AGAP1: variants seen among roughly 807,000 people sequenced by gnomAD.
AGAP1 encodes ArfGAP with GTPase domain, ankyrin repeat and PH domain 1, also known as arf-GAP with GTPase, ANK repeat and PH domain-containing protein 1.
In AGAP1, 29 loss-of-function variants were observed where a neutral mutation model predicts 105.3. The observed-to-expected ratio is 0.28, with a 90% CI of 0.21 to 0.38. The LOEUF (loss-of-function observed/expected upper bound fraction) is 0.38, where lower values mean the gene tolerates loss of function less well. Among genes scored for constraint, AGAP1 ranks in the 10% least tolerant of loss-of-function variants. AGAP1 has a pLI of 1.00. For synonymous variants in AGAP1, 509 were observed against 485.9 expected, an observed-to-expected ratio of 1.05 and a Z score of -0.63; for missense variants, 998 against 1,165.1, an observed-to-expected ratio of 0.86 and a Z score of 2.09.
At chr2:235,678,037 A>T (rs890608769) in intron 1 of AGAP1, among the ~76,000 whole-genome samples, 4 of 147,944 alleles carry the variant, frequency 2.7e-5, no homozygotes, top group African/African-American at 9.9e-5. Flanking sequence ...GCTTTCCTGT[A>T]CAGTAAGTGC....
Position 235,855,864 on chromosome 2 carries a change from AG to A in AGAP1, c.1051-27476del, listed in dbSNP as rs2048664778. Among the ~76,000 whole-genome samples, 1 of 152,144 alleles carries A rather than the reference AG, an allele frequency of 6.6e-6. No individual in the cohort carries two copies. Among genetic ancestry groups the A allele is most frequent in the African/African-American group, 2.4e-5 (1 of 41,428 alleles). ...GATGCACGGAGGCTACTGCATTCCC[AG>A]GGGGTCAGCCTTGTCTCAGAAGTAC... On this transcript the variant is annotated intron_variant, in intron 9 of 17. Coordinates refer to ENST00000304032, the MANE Select transcript of AGAP1 (RefSeq NM_001037131.3). The surrounding 1 kb of genome is among the most constrained non-coding windows in gnomAD (Gnocchi z 5.0).
At chr2:235,565,627 A>T (rs1449746332) in intron 1 of AGAP1, among the ~76,000 whole-genome samples, 2 of 152,226 alleles carry the variant, frequency 1.3e-5, no homozygotes. Context: ...TAAAGTGTCA[A>T]TACCAAAAGC....
At chr2:235,818,663 G>C (rs555572492) in intron 9 of AGAP1, among the ~76,000 whole-genome samples, 3 of 151,942 alleles carry the variant, frequency 2.0e-5, no homozygotes, top group African/African-American at 7.3e-5. Context: ...GGCTGGTCTC[G>C]AACTCCTGAC....
intron 9 of AGAP1, among the ~76,000 whole-genome samples, chr2:235,813,836 G>A (rs1958297268): frequency 6.6e-6 from 1 of 152,216 alleles, no homozygotes; most frequent in Non-Finnish European, 1.5e-5. Flanking sequence ...TGAGTGCAAC[G>A]TTTAATGAGT....
intron 9 of AGAP1, among the ~76,000 whole-genome samples, chr2:235,823,868 G>A (rs1009647140): frequency 6.6e-6 from 1 of 152,124 alleles, no homozygotes; most frequent in African/African-American, 2.4e-5. Flanking sequence ...TATCTAGCAG[G>A]CTCATTGATT....
chr2:235,620,914 C>T lies in AGAP1; in HGVS notation c.164-88265C>T, dbSNP rs1946457066. On this transcript the variant is annotated intron_variant, in intron 1 of 17. Coordinates refer to ENST00000304032, the MANE Select transcript of AGAP1 (RefSeq NM_001037131.3). This position sits in a 1 kb window ranked among gnomAD's most constrained non-coding sequence, Gnocchi z 4.5. ...TGACAAGTTCTTGACTCCCCATCAC[C>T]TCTGATGGAGGGGGCTGGGGTCTGT... is the stretch of plus-strand genomic sequence containing the variant. Among the ~76,000 whole-genome samples the T allele has an allele frequency of 6.6e-6, 1 of 152,198 alleles. No homozygotes were observed. The highest frequency in any genetic ancestry group is 1.5e-5 in the Non-Finnish European group (1 of 68,040).
rs1035739276 is a variant in AGAP1, at chr2:235,867,962, A to G, written c.1051-15383A>G. Among the ~76,000 whole-genome samples, 12 of 151,672 alleles carry G rather than the reference A, an allele frequency of 7.9e-5. No individual in the cohort carries two copies. The highest frequency in any genetic ancestry group is 2.9e-4 in the African/African-American group (12 of 41,030). ...AGTTTTAATACATGTTTATAGGGGG[A>G]AAAATCTTAATTAGAATAATTAGAA... On this transcript the variant is annotated intron_variant, in intron 9 of 17. Coordinates refer to ENST00000304032, the MANE Select transcript of AGAP1 (RefSeq NM_001037131.3). The surrounding 1 kb of genome is among the most constrained non-coding windows in gnomAD (Gnocchi z 5.4).
Position 235,836,342 on chromosome 2 carries a change from C to G in AGAP1, c.1050+29011C>G, listed in dbSNP as rs188608819. Among the ~76,000 whole-genome samples the G allele has an allele frequency of 2.9e-3, 444 of 152,246 alleles. 1 individual carries two copies. The highest frequency in any genetic ancestry group is 4.7e-3 in the Non-Finnish European group (319 of 68,014). On this transcript the variant is annotated intron_variant, in intron 9 of 17. Transcript: ENST00000304032. Reference sequence around the variant, plus strand: ...CAAATTAGAGCACTGCAGCAGGTGGCCGGGAGTGCTGGTGATGGCCCTGCA... The same window carrying G: ...CAAATTAGAGCACTGCAGCAGGTGGGCGGGAGTGCTGGTGATGGCCCTGCA...
chr2:235,833,389 TAGA>T (rs985894423), intron 9 of AGAP1, among the ~76,000 whole-genome samples: 2 of 152,168 alleles, frequency 1.3e-5, no homozygotes, highest in African/African-American at 4.8e-5. Context: ...GACAAAAACG[TAGA>T]AGTCACCCCT....
rs1472327568 is a variant in AGAP1, at chr2:235,883,988, A to T, written c.1155+539A>T. On this transcript the variant is annotated intron_variant, in intron 10 of 17. Coordinates refer to ENST00000304032, the MANE Select transcript of AGAP1 (RefSeq NM_001037131.3). This position sits in a 1 kb window ranked among gnomAD's most constrained non-coding sequence, Gnocchi z 4.5. Reference sequence around the variant, plus strand: ...AAGTTTGTTATATCCGTGGTGTATAAGATAGATGTATAAACAAAATTAACT... The same window carrying T: ...AAGTTTGTTATATCCGTGGTGTATATGATAGATGTATAAACAAAATTAACT... Among the ~76,000 whole-genome samples, 2 of 152,224 alleles carry T rather than the reference A, an allele frequency of 1.3e-5. No homozygotes were observed. The highest frequency in any genetic ancestry group is 1.9e-4 in the East Asian group (1 of 5,198).
chr2:235,677,254 C>CA (rs1257183767), intron 1 of AGAP1, among the ~76,000 whole-genome samples: 1 of 152,130 alleles, frequency 6.6e-6, no homozygotes. Flanking sequence ...TTAATGGTGA[C>CA]ATCACTAACA....
In AGAP1 at chr2:235,610,322, G is replaced by A. The variant is rs1437066337; in HGVS notation, c.164-98857G>A. Reference sequence around the variant, plus strand: ...GTCCACCGTGCACTTGTCCGCTTGGGCTGCCATAACAAAATACCAGACGCT... The same window carrying A: ...GTCCACCGTGCACTTGTCCGCTTGGACTGCCATAACAAAATACCAGACGCT... On this transcript the variant is annotated intron_variant, in intron 1 of 17. Coordinates refer to ENST00000304032, the MANE Select transcript of AGAP1 (RefSeq NM_001037131.3). This position sits in a 1 kb window ranked among gnomAD's most constrained non-coding sequence, Gnocchi z 4.9. Among the ~76,000 whole-genome samples the A allele has an allele frequency of 1.3e-5, 2 of 152,090 alleles. No individual in the cohort carries two copies. Among genetic ancestry groups the A allele is most frequent in the Non-Finnish European group, 2.9e-5 (2 of 68,028 alleles).
At chr2:235,902,744 A>G (rs2051127903) in intron 10 of AGAP1, among the ~76,000 whole-genome samples, 2 of 152,212 alleles carry the variant, frequency 1.3e-5, no homozygotes, top group Admixed American at 1.3e-4. Context: ...TTGCAACTCC[A>G]ACAGCTGCAG....
In AGAP1 at chr2:236,002,038, A is replaced by G. The variant is rs928151347; in HGVS notation, c.1645+33415A>G. On this transcript the variant is annotated intron_variant, in intron 13 of 17. Coordinates refer to ENST00000304032, the MANE Select transcript of AGAP1 (RefSeq NM_001037131.3). This position sits in a 1 kb window ranked among gnomAD's most constrained non-coding sequence, Gnocchi z 4.3. ...TGGTCCTGGACTGGGTGAGGACACC[A>G]TGAGAAACAGCTAGACTTGGGATGT... Among the ~76,000 whole-genome samples the G allele has an allele frequency of 1.3e-5, 2 of 152,208 alleles. No homozygotes were observed. Among genetic ancestry groups the G allele is most frequent in the African/African-American group, 4.8e-5 (2 of 41,446 alleles).
In AGAP1 at chr2:235,908,272, G is replaced by A. The variant is rs773663202; in HGVS notation, c.1156-466G>A. Among the ~76,000 whole-genome samples, 5 of 152,120 alleles carry A rather than the reference G, an allele frequency of 3.3e-5. No homozygotes were observed. The highest frequency in any genetic ancestry group is 7.4e-5 in the Non-Finnish European group (5 of 68,024). ...ACAACAGTTGACCTTTTTACTTCCA[G>A]TTTTCACCTGATTTTTCACCAGAGA... On this transcript the variant is annotated intron_variant, in intron 10 of 17. Coordinates refer to ENST00000304032, the MANE Select transcript of AGAP1 (RefSeq NM_001037131.3). The surrounding 1 kb of genome is among the most constrained non-coding windows in gnomAD (Gnocchi z 4.4).
intron 16 of AGAP1, among the ~76,000 whole-genome samples, chr2:236,097,241 T>C (rs2059212803): frequency 6.6e-6 from 1 of 152,108 alleles, no homozygotes; most frequent in Non-Finnish European, 1.5e-5. Context: ...TTGGCTATAA[T>C]AATGTGGGTC....
Position 236,114,071 on chromosome 2 carries a change from G to A in AGAP1, c.2115-6121G>A, listed in dbSNP as rs1311762017. ...TCAGCACCACATCAAATGAGGAACTGGGCCCCCTCCTTTCTGCTGACGGCC... is the reference window on the plus strand; with the variant it reads ...TCAGCACCACATCAAATGAGGAACTAGGCCCCCTCCTTTCTGCTGACGGCC... On this transcript the variant is annotated intron_variant, in intron 16 of 17. Transcript: ENST00000304032. The surrounding 1 kb of genome is among the most constrained non-coding windows in gnomAD (Gnocchi z 5.0). Among the ~76,000 whole-genome samples the A allele has an allele frequency of 6.6e-6, 1 of 152,064 alleles. No homozygotes were observed. Among genetic ancestry groups the A allele is most frequent in the African/African-American group, 2.4e-5 (1 of 41,392 alleles).
rs1575954308 is a variant in AGAP1, at chr2:235,979,335, C to T, written c.1645+10712C>T. Among the ~76,000 whole-genome samples the T allele has an allele frequency of 6.6e-6, 1 of 151,996 alleles. No individual in the cohort carries two copies. The highest frequency in any genetic ancestry group is 1.9e-4 in the East Asian group (1 of 5,172). On this transcript the variant is annotated intron_variant, in intron 13 of 17. Transcript: ENST00000304032. This position sits in a 1 kb window ranked among gnomAD's most constrained non-coding sequence, Gnocchi z 4.5. ...AGGAGGGTGGTGATTGATTAAGCCC[C>T]CCTGTCGTTCATTTGAATCCTGCAT...
intron 6 of AGAP1, among the ~76,000 whole-genome samples, chr2:235,766,178 A>G (rs1575391355): frequency 6.6e-6 from 1 of 152,244 alleles, no homozygotes; most frequent in African/African-American, 2.4e-5. Flanking sequence ...AATTTAAGCC[A>G]TTTTAACACA....
Sources: gnomAD v4.1 joint callset for allele counts (sites outside exome capture counted in the v4.1 genomes callset) on GRCh38, gnomAD v4.1.1 for gene constraint, Gnocchi (gnomAD v3.1) non-coding constraint, MANE v1.5 for transcripts, NCBI Gene and HGNC (gene_info 2026-07-23, HGNC 2026-07-21) for gene names.